The following CCDC63 variants were observed in gnomAD, a reference collection of about 807,000 sequenced individuals.
CCDC63 encodes coiled-coil domain-containing protein 63.
CCDC63 carries 54 observed loss-of-function variants against 63.6 expected under a neutral mutation model. The observed-to-expected ratio is 0.85, with a 90% CI of 0.68 to 1.07. The LOEUF (loss-of-function observed/expected upper bound fraction) is 1.07, where lower values mean the gene tolerates loss of function less well. Among genes scored for constraint, CCDC63 ranks in the 50% least tolerant of loss-of-function variants. The pLI is 0.00. For synonymous variants in CCDC63, 253 were observed against 266.1 expected, an observed-to-expected ratio of 0.95 and a Z score of 0.48; for missense variants, 637 against 689.6, an observed-to-expected ratio of 0.92 and a Z score of 0.86.
intron 6 of CCDC63, 84 bp downstream of exon 6, chr12:110,880,171 C>T (rs899577106): frequency 2.7e-5 from 32 of 1,189,562 alleles, no homozygotes; most frequent in African/African-American, 4.6e-5. Flanking sequence ...CCACCACTGT[C>T]CCTGGTCGTT....
chr12:110,894,392 A>G lies in CCDC63; in HGVS notation c.1149+1242A>G, dbSNP rs539882606. ...ACAATCAGAGTTTTGTTACTGAGGT[A>G]TAAGGAAAGAGTGGATAGCATATGT... On this transcript the variant is annotated intron_variant, in intron 9 of 11. Coordinates refer to ENST00000308208, the MANE Select transcript of CCDC63 (RefSeq NM_152591.3). Among the ~76,000 whole-genome samples the G allele has an allele frequency of 2.2e-4, 33 of 152,312 alleles. 1 individual carries two copies. The South Asian group carries it at 6.4e-3, about 30-fold the overall frequency.
At position 110,853,566 on chromosome 12, in the gene CCDC63, G is replaced by C. The variant is rs772944730; in HGVS notation, c.171G>C (p.Ala57=). The change falls in exon 3 of 12, where the codon GCG becomes GCC. Residue 57 remains alanine, a synonymous_variant. Transcript: ENST00000308208. The stretch of plus-strand genomic sequence containing the variant: ...AGTTCCGAAACCAGCAGAAGATTGC[G>C]AGTCAGTAGTAAGTGATGGTTGGAG... The part of the protein sequence containing the change: ...SFKFRNQQKI[A]SQYKEIKTLK... The C allele has an allele frequency of 2.5e-6, 4 of 1,614,196 alleles. No homozygotes were observed. The highest frequency in any genetic ancestry group is 3.4e-6 in the Non-Finnish European group (4 of 1,180,036).
At chr12:110,852,771 T>C in intron 1 of CCDC63, 88 bp from the exon 2 acceptor site, 2 of 793,790 alleles carry the variant, frequency 2.5e-6, no homozygotes, top group Non-Finnish European at 2.2e-6. Context: ...GAGGAAGGGA[T>C]GGCAGGGGGA....
intron 4 of CCDC63, among the ~76,000 whole-genome samples, chr12:110,864,453 G>T (rs183048441): frequency 6.7e-6 from 1 of 150,282 alleles, no homozygotes; most frequent in African/African-American, 2.5e-5. Context: ...ACTGGGCGCC[G>T]TGACTCATGC....
At chr12:110,864,019 G>A (rs1454348939) in intron 4 of CCDC63, among the ~76,000 whole-genome samples, 1 of 152,224 alleles carries the variant, frequency 6.6e-6, no homozygotes, top group Non-Finnish European at 1.5e-5. Flanking sequence ...AAGATGAGAT[G>A]GGAGAGAGTA....
chr12:110,885,508 C>CT (rs2071268053), intron 8 of CCDC63, among the ~76,000 whole-genome samples: 1 of 152,216 alleles, frequency 6.6e-6, no homozygotes, highest in East Asian at 1.9e-4. Context: ...CAAAATTTGG[C>CT]TTCTACCTGC....
chr12:110,889,720 C>T lies in CCDC63; in HGVS notation c.1075-3356C>T, dbSNP rs1293849106. The stretch of plus-strand genomic sequence containing the variant: ...CCGAGCAGGGGAGCGGTGCCATCGA[C>T]TCAGGTTATTGATGCAATTTGCAAA... On this transcript the variant is annotated intron_variant, in intron 8 of 11. Coordinates refer to ENST00000308208, the MANE Select transcript of CCDC63 (RefSeq NM_152591.3). The surrounding 1 kb of genome is among the most constrained non-coding windows in gnomAD (Gnocchi z 4.1). Among the ~76,000 whole-genome samples, 4 of 152,098 alleles carry T rather than the reference C, an allele frequency of 2.6e-5. No homozygotes were observed. Among genetic ancestry groups the T allele is most frequent in the African/African-American group, 9.7e-5 (4 of 41,392 alleles).
At chr12:110,893,191 TTGTC>T in intron 9 of CCDC63, 41 bp downstream of exon 9, 3 of 1,531,860 alleles carry the variant, frequency 2.0e-6, no homozygotes, top group Non-Finnish European at 2.7e-6. Flanking sequence ...GGAGCTTCTG[TTGTC>T]TGTCTCTGTG....
At position 110,858,751 on chromosome 12, in the gene CCDC63, G is replaced by C; in HGVS notation, c.345G>C (p.Val115=). 6.2e-7 allele frequency: 1 copy of C among 1,613,970 alleles called. No homozygotes were observed. The change falls in exon 4 of 12, where the codon GTG becomes GTC. Residue 115 remains valine, a synonymous_variant. Coordinates refer to ENST00000308208, the MANE Select transcript of CCDC63 (RefSeq NM_152591.3). ...AGGCATTGATTAAATCCCTGAAAGT[G>C]CTGTTGGCTGAACTGGATGAGAAGG... ...DYEALIKSLK[V]LLAELDEKIL...
chr12:110,853,041 C>T (rs562908539), intron 2 of CCDC63, 78 bp downstream of exon 2: 3 of 1,469,448 alleles, frequency 2.0e-6, no homozygotes, highest in African/African-American at 1.4e-5. Flanking sequence ...CACGTTAGCT[C>T]GTCTCATCCT....
chr12:110,858,662 A>C lies in CCDC63; in HGVS notation c.256A>C (p.Met86Leu). ...LLSLMKSSRN[M>L]NRSEKNYMEL... is the part of the protein sequence containing the mutation. ...GAGTCTCATGAAATCCTCGAGGAACATGAATCGGAGTGAGAAGAACTACAT... is the reference window on the plus strand; with the variant it reads ...GAGTCTCATGAAATCCTCGAGGAACCTGAATCGGAGTGAGAAGAACTACAT... Residue 86 changes from methionine (M) to leucine (L), a missense_variant, in exon 4 of 12, where the codon ATG (methionine) becomes CTG (leucine). Coordinates refer to ENST00000308208, the MANE Select transcript of CCDC63 (RefSeq NM_152591.3). 1.2e-6 allele frequency: 2 copies of C among 1,614,132 alleles called. No homozygotes were observed. The highest frequency in any genetic ancestry group is 1.6e-4 in the Middle Eastern group (1 of 6,062).
chr12:110,854,168 CAACGTTTCCT>C (rs1344973549), intron 3 of CCDC63, among the ~76,000 whole-genome samples: 4 of 151,418 alleles, frequency 2.6e-5, no homozygotes, highest in African/African-American at 9.7e-5. Context: ...GAAACCCTAA[CAACGTTTCCT>C]AATTGTGTGT....
intron 5 of CCDC63, among the ~76,000 whole-genome samples, chr12:110,877,582 C>A (rs1240768244): frequency 6.6e-6 from 1 of 151,936 alleles, no homozygotes; most frequent in Non-Finnish European, 1.5e-5. Flanking sequence ...TAGACTTGCT[C>A]ATTCTCCATA....
chr12:110,884,049 T>C lies in CCDC63; in HGVS notation c.873T>C (p.His291=), dbSNP rs188742055. ...KREEALKAKK[H]VKKNRGESFE... The stretch of plus-strand genomic sequence containing the variant: ...TCCTAGCTCTCAAGGCAAAGAAGCA[T>C]GTCAAGAAGAACAGGGGAGAGAGTT... The change falls in exon 8 of 12, where the codon CAT becomes CAC. Residue 291 remains histidine (H), a synonymous_variant. Transcript: ENST00000308208. 2 of 1,613,790 alleles carry C rather than the reference T, an allele frequency of 1.2e-6. No individual in the cohort carries two copies. The highest frequency in any genetic ancestry group is 1.7e-6 in the Non-Finnish European group (2 of 1,179,848).
chr12:110,847,599 C>G (rs2070655247), intron 1 of CCDC63, among the ~76,000 whole-genome samples: 1 of 151,832 alleles, frequency 6.6e-6, no homozygotes. Context: ...TTTTATTTTC[C>G]TCCCATAATA....
In CCDC63 at chr12:110,907,535, A is replaced by G. The variant is rs2071609898; in HGVS notation, c.*59A>G. The G allele has an allele frequency of 2.5e-6, 4 of 1,597,584 alleles. No individual in the cohort carries two copies. The highest frequency in any genetic ancestry group is 2.7e-5 in the African/African-American group (2 of 74,628). ...CGAAAGAATAAATGTTTTGTTCTGT[A>G]GCCTCGTGCCTGTCACACACATTAC... On this transcript the variant is annotated 3_prime_UTR_variant, in exon 12 of 12. Coordinates refer to ENST00000308208, the MANE Select transcript of CCDC63 (RefSeq NM_152591.3). The surrounding 1 kb of genome is among the most constrained non-coding windows in gnomAD (Gnocchi z 4.4).
Position 110,881,206 on chromosome 12 carries a change from C to G in CCDC63, c.763C>G (p.Leu255Val), listed in dbSNP as rs1593675732. 6.2e-7 allele frequency: 1 copy of G among 1,613,852 alleles called. No individual in the cohort carries two copies. The highest frequency in any genetic ancestry group is 8.5e-7 in the Non-Finnish European group (1 of 1,179,976). ...YNLEIRELERLYAHESKLKSF... is the reference protein window; with the variant it reads ...YNLEIRELERVYAHESKLKSF... The stretch of plus-strand genomic sequence containing the variant: ...CCTGGAGATCCGAGAGCTGGAGCGT[C>G]TCTATGCCCATGAGAGCAAGCTCAA... Residue 255 changes from leucine to valine, a missense_variant, in exon 7 of 12, where the codon CTC becomes GTC. Physicochemically the swap from Leu to Val is conservative, Grantham distance 32. Coordinates refer to ENST00000308208, the MANE Select transcript of CCDC63 (RefSeq NM_152591.3).
At chr12:110,879,645 A>G (rs1472262723) in intron 5 of CCDC63, among the ~76,000 whole-genome samples, 1 of 152,170 alleles carries the variant, frequency 6.6e-6, no homozygotes, top group East Asian at 1.9e-4. Context: ...TTAATTGCCT[A>G]CAGCTGGAAC....
chr12:110,876,105 CAA>C (rs35045738), intron 5 of CCDC63, among the ~76,000 whole-genome samples: 108 of 86,656 alleles, frequency 1.2e-3, no homozygotes, highest in Middle Eastern at 6.5e-3. Flanking sequence ...GAACCTGTCT[CAA>C]AAAAAAAAAA....
Sources: allele counts gnomAD v4.1 joint callset (sites outside exome capture counted in the v4.1 genomes callset), GRCh38; gene constraint gnomAD v4.1.1; non-coding constraint Gnocchi (gnomAD v3.1); transcripts MANE v1.5; gene names NCBI Gene and HGNC (gene_info 2026-07-23, HGNC 2026-07-21).